The following NAV3 variants were observed in gnomAD, a reference collection of about 807,000 sequenced individuals.
NAV3 encodes the protein pore membrane and/or filament interacting like protein 1.
A neutral mutation model predicts 244.7 loss-of-function variants in NAV3; 87 were observed. That is an observed-to-expected ratio of 0.36 (90% CI 0.30 to 0.42). The LOEUF (loss-of-function observed/expected upper bound fraction) is 0.42. NAV3 is among the 20% of genes least tolerant of loss of function. The pLI, the probability that NAV3 is intolerant of heterozygous loss-of-function variation, is 1.00. For synonymous variants in NAV3, 1,126 were observed against 1,042.2 expected, an observed-to-expected ratio of 1.08 and a Z score of -1.55; for missense variants, 2,663 against 2,893.3, an observed-to-expected ratio of 0.92 and a Z score of 1.83.
intron 24 of NAV3, 76 bp from the exon 25 acceptor site, chr12:78,175,230 C>G (rs2139644111): frequency 6.5e-7 from 1 of 1,529,512 alleles, no homozygotes; most frequent in Non-Finnish European, 8.9e-7. Context: ...AACTGCCTCT[C>G]AAAAGACCTA....
intron 2 of NAV3, among the ~76,000 whole-genome samples, chr12:77,733,824 CT>C (rs1388708404): frequency 7.4e-6 from 1 of 135,312 alleles, no homozygotes; most frequent in Non-Finnish European, 1.6e-5. Flanking sequence ...CCCTAATTGA[CT>C]TGGTTTAGAT....
intron 12 of NAV3, among the ~76,000 whole-genome samples, chr12:78,060,058 A>G (rs1163589759): frequency 6.6e-6 from 1 of 151,916 alleles, no homozygotes; most frequent in Non-Finnish European, 1.5e-5. Context: ...CTGTTTAAGA[A>G]CATTGCTTTG....
chr12:77,658,856 G>A (rs1873271564), intron 2 of NAV3, among the ~76,000 whole-genome samples: 1 of 152,050 alleles, frequency 6.6e-6, no homozygotes, highest in African/African-American at 2.4e-5. Context: ...CAAGCAATGG[G>A]GAAAGGATTC....
intron 1 of NAV3, among the ~76,000 whole-genome samples, chr12:77,925,481 A>G (rs983911596): frequency 6.6e-6 from 1 of 152,106 alleles, no homozygotes. Flanking sequence ...CATTTTAACA[A>G]TTGTGCATTC....
intron 12 of NAV3, among the ~76,000 whole-genome samples, chr12:78,094,815 T>A (rs1484201952): frequency 1.3e-5 from 2 of 151,814 alleles, no homozygotes; most frequent in African/African-American, 4.8e-5. Context: ...TTGGGTGGCC[T>A]AGGCAGGTGG....
intron 2 of NAV3, among the ~76,000 whole-genome samples, chr12:77,739,742 T>C (rs1481561685): frequency 6.6e-6 from 1 of 152,182 alleles, no homozygotes; most frequent in East Asian, 1.9e-4. Context: ...TCAACTATTC[T>C]ACTCAACTCT....
intron 2 of NAV3, among the ~76,000 whole-genome samples, chr12:77,591,765 A>G (rs747944001): frequency 2.0e-5 from 3 of 152,206 alleles, no homozygotes; most frequent in Non-Finnish European, 4.4e-5. Context: ...GAATTTATGT[A>G]TGTGTATGTT....
At chr12:77,717,853 T>C (rs190877838) in intron 2 of NAV3, among the ~76,000 whole-genome samples, 9 of 152,288 alleles carry the variant, frequency 5.9e-5, no homozygotes, top group African/African-American at 1.9e-4. Flanking sequence ...TCTAGCGATG[T>C]TGAATAACTT....
intron 34 of NAV3, among the ~76,000 whole-genome samples, chr12:78,194,960 T>C (rs1959141416): frequency 6.6e-6 from 1 of 152,128 alleles, no homozygotes; most frequent in Non-Finnish European, 1.5e-5. Flanking sequence ...CTTTGATCTA[T>C]ACTTTTTTGA....
intron 2 of NAV3, among the ~76,000 whole-genome samples, chr12:77,574,486 G>T (rs1407083830): frequency 6.6e-6 from 1 of 152,110 alleles, no homozygotes; most frequent in Non-Finnish European, 1.5e-5. Flanking sequence ...AGATTAGAAG[G>T]TCATTTATTT....
chr12:77,998,548 T>C lies in NAV3; in HGVS notation c.880+72T>C, dbSNP rs79741620. ...GTGAATTGCATGCTAAATCTAATAT[T>C]TGAGCAGCGTAACAACTTTGGGCCT... On this transcript the variant is annotated intron_variant, in intron 7 of 39. Transcript: ENST00000397909. 3,977 of 1,457,212 alleles carry C rather than the reference T, an allele frequency of 2.7e-3. 35 individuals carry two copies. The highest frequency in any genetic ancestry group is 0.027 in the Middle Eastern group (113 of 4,172). 90.3% of individuals were successfully genotyped at this position (1,457,212 alleles called of 1,614,324 possible).
At chr12:78,198,953 A>G (rs1489533482) in intron 36 of NAV3, 17 of 442,064 alleles carry the variant, frequency 3.8e-5, no homozygotes, top group Non-Finnish European at 5.7e-5. Flanking sequence ...AAAGAAAAGT[A>G]AAGTAGATGT....
intron 2 of NAV3, among the ~76,000 whole-genome samples, chr12:77,636,414 G>A (rs943317779): frequency 2.7e-5 from 4 of 148,862 alleles, no homozygotes; most frequent in Non-Finnish European, 4.4e-5. Context: ...GCAGTGAGCC[G>A]AGATTGCACC....
chr12:77,673,663 C>T (rs544731606), intron 2 of NAV3, among the ~76,000 whole-genome samples: 3 of 152,012 alleles, frequency 2.0e-5, no homozygotes, highest in African/African-American at 7.2e-5. Context: ...TGATATCAAA[C>T]CTTTCCTAAG....
In NAV3 at chr12:78,164,177, G is replaced by A. The variant is rs570382664; in HGVS notation, c.4870-4578G>A. On this transcript the variant is annotated intron_variant, in intron 23 of 39. Coordinates refer to ENST00000397909, the MANE Select transcript of NAV3 (RefSeq NM_001024383.2). ...ATATTTCAGAATTTAAAATTTAAAAGACTTTCAAATTAGTTCCCTGTAGCT... is the reference window on the plus strand; with the variant it reads ...ATATTTCAGAATTTAAAATTTAAAAAACTTTCAAATTAGTTCCCTGTAGCT... Among the ~76,000 whole-genome samples the A allele has an allele frequency of 2.0e-5, 3 of 152,066 alleles. No homozygotes were observed. In the South Asian group the frequency reaches 6.2e-4, roughly 32 times the overall value.
intron 1 of NAV3, among the ~76,000 whole-genome samples, chr12:77,936,543 C>A (rs561467815): frequency 2.0e-5 from 3 of 152,188 alleles, no homozygotes; most frequent in Admixed American, 2.0e-4. Flanking sequence ...ATATTGTTCC[C>A]AATTATACCA....
At chr12:78,207,064 A>G (rs1251804723) in intron 39 of NAV3, among the ~76,000 whole-genome samples, 1 of 151,868 alleles carries the variant, frequency 6.6e-6, no homozygotes, top group Non-Finnish European at 1.5e-5. Context: ...CTCTATGTTG[A>G]TCAGACTGGT....
intron 37 of NAV3, among the ~76,000 whole-genome samples, chr12:78,200,009 C>T (rs1280348310): frequency 2.0e-5 from 3 of 151,886 alleles, no homozygotes; most frequent in Non-Finnish European, 2.9e-5. Context: ...CATTTTTATT[C>T]CTTCTTTAAT....
At chr12:78,199,553 T>C in intron 37 of NAV3, 22 bp downstream of exon 37, 1 of 1,537,534 alleles carries the variant, frequency 6.5e-7, no homozygotes, top group African/African-American at 1.4e-5. Flanking sequence ...AATTATAATA[T>C]GCCATTTTCC....
Sources: allele counts gnomAD v4.1 joint callset (sites outside exome capture counted in the v4.1 genomes callset), GRCh38; gene constraint gnomAD v4.1.1; transcripts MANE v1.5; gene names NCBI Gene and HGNC (gene_info 2026-07-23, HGNC 2026-07-21).